RYR2: variants seen among roughly 807,000 people sequenced by gnomAD.
The protein encoded by RYR2 is cardiac muscle ryanodine receptor-calcium release channel.
A neutral mutation model predicts 601.1 loss-of-function variants in RYR2; 227 were observed. The ratio of observed to expected loss-of-function variants is 0.38; its 90% confidence interval spans 0.34 to 0.42. RYR2 has a LOEUF of 0.42. Among genes scored for constraint, RYR2 ranks in the 10% least tolerant of loss-of-function variants. The pLI, the probability that RYR2 is intolerant of heterozygous loss-of-function variation, is 1.00. For synonymous variants in RYR2, 2,223 were observed against 2,175.1 expected, an observed-to-expected ratio of 1.02 and a Z score of -0.61; for missense variants, 4,646 against 6,156.5, an observed-to-expected ratio of 0.75 and a Z score of 8.21.
chr1:237,203,182 TA>T (rs1681398114), intron 1 of RYR2, among the ~76,000 whole-genome samples: 2 of 152,062 alleles, frequency 1.3e-5, no homozygotes, highest in Non-Finnish European at 2.9e-5. Flanking sequence ...CCACCAACAC[TA>T]AAGATCATTC....
chr1:237,503,105 G>A (rs1170421675), intron 21 of RYR2, among the ~76,000 whole-genome samples, 184 bp from the exon 22 acceptor site: 1 of 152,116 alleles, frequency 6.6e-6, no homozygotes, highest in Non-Finnish European at 1.5e-5. Flanking sequence ...ATGTCCTCAT[G>A]TTTTACCTTT....
intron 1 of RYR2, among the ~76,000 whole-genome samples, chr1:237,218,395 G>A (rs1683418816): frequency 6.6e-6 from 1 of 152,086 alleles, no homozygotes; most frequent in South Asian, 2.1e-4. Context: ...ACTGATTATA[G>A]GACGTGTATG....
At chr1:237,635,361 T>C (rs1019538164) in intron 44 of RYR2, among the ~76,000 whole-genome samples, 1 of 152,198 alleles carries the variant, frequency 6.6e-6, no homozygotes, top group African/African-American at 2.4e-5. Flanking sequence ...TATGTGTTTT[T>C]TTCTTTTCGT....
rs866240868 is a variant in RYR2, at chr1:237,397,705, C to G, written c.773+9522C>G. Among the ~76,000 whole-genome samples the G allele has an allele frequency of 6.2e-4, 93 of 150,874 alleles. 1 individual carries two copies. The Middle Eastern group carries it at 0.014, about 22-fold the overall frequency. ...ACACTTGTATGGCCTGGCCTTACAC[C>G]CTGTTTATAATTTGGTATCTTTTTT... On this transcript the variant is annotated intron_variant, in intron 10 of 104. Coordinates refer to ENST00000366574, the MANE Select transcript of RYR2 (RefSeq NM_001035.3).
At chr1:237,448,784 T>G (rs1392037159) in intron 14 of RYR2, among the ~76,000 whole-genome samples, 1 of 152,128 alleles carries the variant, frequency 6.6e-6, no homozygotes, top group South Asian at 2.1e-4. Flanking sequence ...TTGTATAATA[T>G]GAACATAGCC....
chr1:237,151,350 C>T (rs1572024187), intron 1 of RYR2, among the ~76,000 whole-genome samples: 1 of 152,118 alleles, frequency 6.6e-6, no homozygotes, highest in African/African-American at 2.4e-5. Context: ...ACAGAGGCAG[C>T]CACCCAAAGT....
At chr1:237,337,523 G>C (rs1285466289) in intron 3 of RYR2, among the ~76,000 whole-genome samples, 1 of 152,108 alleles carries the variant, frequency 6.6e-6, no homozygotes, top group Non-Finnish European at 1.5e-5. Flanking sequence ...TCATTTCCTG[G>C]TAACATAAGT....
intron 1 of RYR2, among the ~76,000 whole-genome samples, chr1:237,253,636 G>A (rs772949820): frequency 3.9e-5 from 6 of 152,174 alleles, no homozygotes; most frequent in Non-Finnish European, 7.3e-5. Context: ...ACTGAAATTT[G>A]CTGTTTTGCT....
intron 1 of RYR2, among the ~76,000 whole-genome samples, chr1:237,130,264 AAG>A (rs1326385826): frequency 6.6e-6 from 1 of 152,202 alleles, no homozygotes; most frequent in Non-Finnish European, 1.5e-5. Context: ...AAGAGTAAAA[AAG>A]AGAGTATGGA....
chr1:237,278,765 C>T (rs1184279933), intron 2 of RYR2, among the ~76,000 whole-genome samples: 1 of 152,112 alleles, frequency 6.6e-6, no homozygotes, highest in Non-Finnish European at 1.5e-5. Context: ...TGCTGCTTAC[C>T]AGCGATTATA....
intron 1 of RYR2, among the ~76,000 whole-genome samples, chr1:237,130,700 T>A (rs199776757): frequency 5.4e-5 from 8 of 147,816 alleles, no homozygotes; most frequent in African/African-American, 1.0e-4. Context: ...TGTCTCAAAA[T>A]AAAAAAAAAA....
rs12136852 is a variant in RYR2, at chr1:237,388,210, G to C, written c.773+27G>C. The C allele has an allele frequency of 6.8e-4, 1,075 of 1,578,924 alleles. 3 individuals carry two copies. Among genetic ancestry groups the C allele is most frequent in the Non-Finnish European group, 9.0e-4 (1,032 of 1,150,046 alleles). ...TTAGTACCTGAGCTCATTGCATTGA[G>C]ACTTGCACTCTTTTGCCTTGATGTA... On this transcript the variant is annotated intron_variant, in intron 10 of 104. Coordinates refer to ENST00000366574, the MANE Select transcript of RYR2 (RefSeq NM_001035.3).
At chr1:237,407,161 A>G (rs985260458) in intron 10 of RYR2, among the ~76,000 whole-genome samples, 2 of 152,192 alleles carry the variant, frequency 1.3e-5, no homozygotes, top group African/African-American at 2.4e-5. Flanking sequence ...TCATGACTTG[A>G]TAGCTGATTT....
chr1:237,172,530 C>A (rs1050510179), intron 1 of RYR2, among the ~76,000 whole-genome samples: 1 of 151,596 alleles, frequency 6.6e-6, no homozygotes, highest in African/African-American at 2.4e-5. Flanking sequence ...AGGCAGTGCT[C>A]CAATGAGAAC....
chr1:237,519,930 T>A (rs80328839), intron 24 of RYR2, among the ~76,000 whole-genome samples: 35,999 of 151,962 alleles, frequency 0.24, 4,668 homozygotes, highest in South Asian at 0.39. Context: ...GTTTTTGTGT[T>A]TGTTTGCATC....
intron 2 of RYR2, among the ~76,000 whole-genome samples, chr1:237,303,989 T>C (rs1693631456): frequency 6.6e-6 from 1 of 152,214 alleles, no homozygotes; most frequent in African/African-American, 2.4e-5. Flanking sequence ...GAGATTTGTG[T>C]CTCAGGGAAA....
intron 1 of RYR2, among the ~76,000 whole-genome samples, chr1:237,148,001 G>A (rs1263168663): frequency 6.6e-6 from 1 of 152,176 alleles, no homozygotes; most frequent in Non-Finnish European, 1.5e-5. Flanking sequence ...ATGATAGTTA[G>A]GAAGTCATGT....
chr1:237,173,096 G>A (rs1201264882), intron 1 of RYR2, among the ~76,000 whole-genome samples: 1 of 152,050 alleles, frequency 6.6e-6, no homozygotes, highest in African/African-American at 2.4e-5. Flanking sequence ...ATTTGCAGAT[G>A]AGGAAAAAGA....
chr1:237,593,776 G>A (rs949859462), intron 33 of RYR2, 140 bp downstream of exon 33: 29 of 892,500 alleles, frequency 3.2e-5, no homozygotes, highest in African/African-American at 1.5e-4. Context: ...TGTCAATGTC[G>A]TTTTTGTTAT....
Sources: allele counts gnomAD v4.1 joint callset (sites outside exome capture counted in the v4.1 genomes callset), GRCh38; gene constraint gnomAD v4.1.1; transcripts MANE v1.5; gene names NCBI Gene and HGNC (gene_info 2026-07-23, HGNC 2026-07-21).